Variants in KDM2A observed in about 807,000 individuals in gnomAD.
KDM2A encodes lysine-specific demethylase 2A.
In KDM2A, 3 loss-of-function variants were observed where a neutral mutation model predicts 137.3. The observed-to-expected ratio is 0.02, with a 90% CI of 0.01 to 0.06. KDM2A has a LOEUF of 0.06. Among genes scored for constraint, KDM2A ranks in the 10% least tolerant of loss-of-function variants. The pLI, the probability that KDM2A is intolerant of heterozygous loss-of-function variation, is 1.00. For missense variants in KDM2A, 738 were observed against 1,510.6 expected, an observed-to-expected ratio of 0.49 and a Z score of 8.48; for synonymous variants, 512 against 541.5, an observed-to-expected ratio of 0.95 and a Z score of 0.76.
At chr11:67,143,362 A>G (rs528659702) in intron 2 of KDM2A, 76 of 152,186 alleles carry the variant, frequency 5.0e-4, no homozygotes, top group African/African-American at 1.8e-3. Context: ...CTTCAGGAGC[A>G]CTAGCATCGG....
At chr11:67,171,058 A>G (rs1191844335) in intron 2 of KDM2A, among the ~76,000 whole-genome samples, 1 of 152,214 alleles carries the variant, frequency 6.6e-6, no homozygotes, top group Non-Finnish European at 1.5e-5. Context: ...ATATTAATAC[A>G]TGCATAGTGC....
chr11:67,202,255 ACTC>A (rs1167069636), intron 5 of KDM2A, among the ~76,000 whole-genome samples: 2 of 152,158 alleles, frequency 1.3e-5, no homozygotes, highest in Non-Finnish European at 2.9e-5. Flanking sequence ...GATGGAATCT[ACTC>A]CTGGTGGAGA....
chr11:67,240,407 G>A (rs1393781216), intron 12 of KDM2A: 1 of 1,515,400 alleles, frequency 6.6e-7, no homozygotes, highest in Admixed American at 2.0e-5. Context: ...CTGGTTTGGG[G>A]TGCGTGTAAC....
intron 11 of KDM2A, among the ~76,000 whole-genome samples, chr11:67,229,646 G>A (rs923382684): frequency 4.7e-5 from 7 of 148,746 alleles, no homozygotes; most frequent in South Asian, 4.3e-4. Flanking sequence ...TGAGGCGGGC[G>A]GATCATGAGG....
intron 2 of KDM2A, among the ~76,000 whole-genome samples, chr11:67,162,701 C>CGGG (rs1203443470): frequency 6.6e-6 from 1 of 151,280 alleles, no homozygotes; most frequent in Non-Finnish European, 1.5e-5. Context: ...CCACCGCGCC[C>CGGG]GGCCTGCGAT....
At chr11:67,135,940 A>G (rs538697420) in intron 2 of KDM2A, among the ~76,000 whole-genome samples, 4 of 152,188 alleles carry the variant, frequency 2.6e-5, no homozygotes, top group African/African-American at 4.8e-5. Flanking sequence ...AGCTCATCCT[A>G]TCATATACTT....
intron 5 of KDM2A, among the ~76,000 whole-genome samples, chr11:67,183,400 GA>G (rs1857131955): frequency 1.3e-5 from 2 of 152,230 alleles, no homozygotes; most frequent in South Asian, 4.1e-4. Flanking sequence ...ACCTGCATCA[GA>G]ATTGCTTGTG....
chr11:67,257,404 C>A lies in KDM2A; in HGVS notation c.*2349C>A, dbSNP rs892071152. ...TGGTTTTTAGAGGTGAGGGTTGGTC[C>A]ATGTGGAGGAAAGAAGTGTCTCTGT... On this transcript the variant is annotated 3_prime_UTR_variant, in exon 21 of 21. Transcript: ENST00000529006. 14 of 152,514 alleles carry A rather than the reference C, an allele frequency of 9.2e-5. No homozygotes were observed. Among genetic ancestry groups the A allele is most frequent in the Non-Finnish European group, 2.1e-4 (14 of 68,030 alleles). 9.4% of individuals were successfully genotyped at this position (152,514 alleles called of 1,614,324 possible).
At chr11:67,199,584 A>G (rs1857566931) in intron 5 of KDM2A, among the ~76,000 whole-genome samples, 1 of 152,240 alleles carries the variant, frequency 6.6e-6, no homozygotes, top group Non-Finnish European at 1.5e-5. Context: ...GCCACAGTAA[A>G]GCCCTGATTC....
At chr11:67,184,377 C>G (rs532017705) in intron 5 of KDM2A, among the ~76,000 whole-genome samples, 1 of 152,180 alleles carries the variant, frequency 6.6e-6, no homozygotes, top group Admixed American at 6.5e-5. Flanking sequence ...CGCCTGTAAT[C>G]CCAGCACTTT....
chr11:67,162,059 T>G (rs1856649670), intron 2 of KDM2A, among the ~76,000 whole-genome samples: 1 of 152,208 alleles, frequency 6.6e-6, no homozygotes. Context: ...ACTACTGTTC[T>G]GATTCTTTAC....
In KDM2A at chr11:67,168,604, C is replaced by T. The variant is rs1281774046; in HGVS notation, c.43-11475C>T. On this transcript the variant is annotated intron_variant, in intron 2 of 20. Transcript: ENST00000529006. Reference sequence around the variant, plus strand: ...TTATACACACACACACACACACACACACACACACACACACACACACACACA... The same window carrying T: ...TTATACACACACACACACACACACATACACACACACACACACACACACACA... Among the ~76,000 whole-genome samples the T allele has an allele frequency of 7.8e-3, 743 of 95,650 alleles. 98 individuals are homozygous for T. The highest frequency in any genetic ancestry group is 0.023 in the African/African-American group (266 of 11,448). 62.8% of individuals were successfully genotyped at this position (95,650 alleles called of 152,430 possible).
Position 67,174,153 on chromosome 11 carries a change from G to C in KDM2A, c.43-5926G>C, listed in dbSNP as rs1218708565. 3.3e-5 allele frequency among the ~76,000 whole-genome samples: 5 copies of C among 152,332 alleles called. 1 individual carries two copies. Among genetic ancestry groups the C allele is most frequent in the Middle Eastern group, 6.8e-3 (2 of 294 alleles). On this transcript the variant is annotated intron_variant, in intron 2 of 20. Coordinates refer to ENST00000529006, the MANE Select transcript of KDM2A (RefSeq NM_012308.3). ...TGTGCCAGTAATCCCAGCTACTTGG[G>C]AGGCTGAGGCAGGAGAATTGCTTGA...
chr11:67,213,451 C>T (rs1211687142), intron 6 of KDM2A, among the ~76,000 whole-genome samples: 1 of 151,526 alleles, frequency 6.6e-6, no homozygotes, highest in South Asian at 2.1e-4. Context: ...TCTTTTTTTT[C>T]AGCCAGTATT....
At chr11:67,121,456 T>G in intron 2 of KDM2A, 98 bp downstream of exon 2, 1 of 1,245,592 alleles carries the variant, frequency 8.0e-7, no homozygotes, top group Admixed American at 1.9e-5. Flanking sequence ...GATTAAAACT[T>G]TTCGGGTGAC....
At chr11:67,150,330 C>T (rs1028890939) in intron 2 of KDM2A, among the ~76,000 whole-genome samples, 3 of 152,112 alleles carry the variant, frequency 2.0e-5, no homozygotes, top group African/African-American at 7.2e-5. Context: ...GTTTTCTTTT[C>T]TCAAAAATGT....
rs1445083680 is a variant in KDM2A, at chr11:67,250,940, G to C, written c.2768+142G>C. The C allele has an allele frequency of 1.5e-6, 1 of 689,432 alleles. No homozygotes were observed. The highest frequency in any genetic ancestry group is 2.5e-6 in the Non-Finnish European group (1 of 406,956). The allele number at this position is 689,432 out of a possible 1,614,324, so 42.7% of individuals were successfully genotyped here. A position where few individuals can be genotyped will look rare whatever the true frequency, so the allele number is the denominator to read the frequency against. On this transcript the variant is annotated intron_variant, in intron 17 of 20. Coordinates refer to ENST00000529006, the MANE Select transcript of KDM2A (RefSeq NM_012308.3). The surrounding 1 kb of genome is among the most constrained non-coding windows in gnomAD (Gnocchi z 7.1). Reference sequence around the variant, plus strand: ...AATTGACCCTTTTTCCCAAACTTTGGGTCCTGTTTAAAGATGTAGCCTGTT... The same window carrying C: ...AATTGACCCTTTTTCCCAAACTTTGCGTCCTGTTTAAAGATGTAGCCTGTT...
intron 2 of KDM2A, among the ~76,000 whole-genome samples, chr11:67,166,018 T>G (rs1341290745): frequency 6.6e-6 from 1 of 152,136 alleles, no homozygotes; most frequent in Non-Finnish European, 1.5e-5. Context: ...TAAAAGGTGG[T>G]GAAGAAACTA....
intron 2 of KDM2A, among the ~76,000 whole-genome samples, chr11:67,134,344 T>C (rs1855925694): frequency 1.3e-5 from 2 of 152,170 alleles, no homozygotes; most frequent in Admixed American, 1.3e-4. Context: ...CATTCTGCAG[T>C]GCACAGGACA....
Sources: allele counts gnomAD v4.1 joint callset (sites outside exome capture counted in the v4.1 genomes callset), GRCh38; gene constraint gnomAD v4.1.1; non-coding constraint Gnocchi (gnomAD v3.1); transcripts MANE v1.5; gene names NCBI Gene and HGNC (gene_info 2026-07-23, HGNC 2026-07-21).